The following CCDC136 variants were observed in gnomAD, a reference collection of about 807,000 sequenced individuals.
CCDC136 encodes the protein coiled-coil domain-containing protein 136.
Under a neutral mutation model 141.2 loss-of-function variants are expected in CCDC136, and 100 were observed. The observed-to-expected ratio is 0.71, with a 90% confidence interval of 0.60 to 0.84. The LOEUF (loss-of-function observed/expected upper bound fraction) is 0.84. CCDC136 is among the 40% of genes least tolerant of loss of function. The probability of loss-of-function intolerance (pLI) is 0.00; values close to 1 mark genes in which losing one functional copy is unlikely to be tolerated. For missense variants in CCDC136, 1,206 were observed against 1,379.4 expected (o/e 0.87, Z 1.99); for synonymous variants, 474 against 531.9 (o/e 0.89, Z 1.50).
In CCDC136 at chr7:128,821,823, A is replaced by G. The variant is rs1469305363; in HGVS notation, c.*30A>G. On this transcript the variant is annotated 3_prime_UTR_variant, in exon 18 of 18. Transcript: ENST00000297788. The surrounding 1 kb of genome is among the most constrained non-coding windows in gnomAD (Gnocchi z 5.1). ...GAACATGTTTGGGTTGTGGAAGCCT[A>G]TGGTATTCTTGGCTATTGCAGCTGT... 8.5e-6 allele frequency: 11 copies of G among 1,290,284 alleles called. No homozygotes were observed. In the East Asian group the frequency reaches 2.2e-4, roughly 26 times the overall value. 79.9% of individuals were successfully genotyped at this position (1,290,284 alleles called of 1,614,324 possible).
Position 128,806,400 on chromosome 7 carries a change from C to A in CCDC136, c.1248+5C>A. On this transcript the variant is annotated splice_donor_5th_base_variant and intron_variant, in intron 8 of 17. Coordinates refer to ENST00000297788, the MANE Select transcript of CCDC136 (RefSeq NM_022742.5). ...GTAGAAAACCAGAGTGAGAAGGTAA[C>A]AGCAACCAGAGGTGAGGGGACAACT... The A allele has an allele frequency of 1.3e-6, 2 of 1,597,384 alleles. No homozygotes were observed. Among genetic ancestry groups the A allele is most frequent in the South Asian group, 2.3e-5 (2 of 88,354 alleles).
intron 10 of CCDC136, chr7:128,808,635 C>G: frequency 7.1e-6 from 7 of 985,356 alleles, no homozygotes; most frequent in Non-Finnish European, 8.4e-6. Flanking sequence ...AGTTCCTGTC[C>G]CTGGGGAAAG....
chr7:128,808,825 G>A (rs1805262201), intron 10 of CCDC136: 1 of 985,342 alleles, frequency 1.0e-6, no homozygotes, highest in Non-Finnish European at 1.2e-6. Flanking sequence ...GAAAGGAGAA[G>A]CATGCTGGCA....
chr7:128,801,781 T>G (rs1472744637), intron 4 of CCDC136, among the ~76,000 whole-genome samples: 2 of 152,130 alleles, frequency 1.3e-5, no homozygotes, highest in East Asian at 1.9e-4. Context: ...AAAGAAAAAT[T>G]TAAATAAAAA....
intron 8 of CCDC136, 112 bp from the exon 9 acceptor site, chr7:128,806,576 G>A (rs1804873241): frequency 6.9e-6 from 8 of 1,152,272 alleles, no homozygotes; most frequent in South Asian, 1.6e-5. Context: ...ATTAGGAAGT[G>A]AAGGGCAGGA....
At chr7:128,811,722 C>A in intron 12 of CCDC136, 78 bp from the exon 13 acceptor site, 1 of 1,340,258 alleles carries the variant, frequency 7.5e-7, no homozygotes, top group Non-Finnish European at 1.0e-6. Context: ...TGCTCTCAGA[C>A]ATCTGTACCA....
At position 128,805,345 on chromosome 7, in the gene CCDC136, G is replaced by T. The variant is rs766125809; in HGVS notation, c.783-14G>T. On this transcript the variant is annotated splice_polypyrimidine_tract_variant and intron_variant, in intron 5 of 17. Transcript: ENST00000297788. This position sits in a 1 kb window ranked among gnomAD's most constrained non-coding sequence, Gnocchi z 4.6. ...AACTCCCTTCAAGCATAGCTCTGCGGTTCTGAATTGCAGGACACAGAGAGC... is the reference window on the plus strand; with the variant it reads ...AACTCCCTTCAAGCATAGCTCTGCGTTTCTGAATTGCAGGACACAGAGAGC... 3.7e-6 allele frequency: 6 copies of T among 1,612,724 alleles called. No homozygotes were observed. Among genetic ancestry groups the T allele is most frequent in the Non-Finnish European group, 5.1e-6 (6 of 1,179,276 alleles).
Position 128,809,468 on chromosome 7 carries a change from A to G in CCDC136, c.1624A>G (p.Arg542Gly), listed in dbSNP as rs1181814711. ...CANKCDTLLS[R>G]LTELQEKYKA... ...CCCACAGTGTGACACACTGCTGTCC[A>G]GACTGACAGAATTGCAGGAAAAGTA... Residue 542 changes from arginine to glycine, a missense_variant, in exon 11 of 18, where the codon AGA (arginine) becomes GGA (glycine). Transcript: ENST00000297788. The G allele has an allele frequency of 1.4e-6, 2 of 1,462,804 alleles. No homozygotes were observed. Among genetic ancestry groups the G allele is most frequent in the South Asian group, 2.4e-5 (2 of 82,806 alleles). 90.6% of individuals were successfully genotyped at this position (1,462,804 alleles called of 1,614,324 possible).
Position 128,815,689 on chromosome 7 carries a change from G to A in CCDC136, c.3121G>A (p.Glu1041Lys). ...DGLAKEEEKKEEMEEEKKQVK... is the reference protein window; with the variant it reads ...DGLAKEEEKKKEMEEEKKQVK... ...ACTAGCAAAAGAGGAGGAAAAGAAA[G>A]AGGAGATGGAGGAGGAAAAAAAGCA... The change falls in exon 16 of 18, where the codon GAG (glutamate) becomes AAG (lysine). Residue 1041 changes from glutamate to lysine, a missense_variant. Coordinates refer to ENST00000297788, the MANE Select transcript of CCDC136 (RefSeq NM_022742.5). The A allele has an allele frequency of 6.4e-7, 1 of 1,555,154 alleles. No homozygotes were observed. The highest frequency in any genetic ancestry group is 8.7e-7 in the Non-Finnish European group (1 of 1,149,054).
intron 3 of CCDC136, among the ~76,000 whole-genome samples, chr7:128,797,950 C>G (rs1803298302): frequency 6.6e-6 from 1 of 151,044 alleles, no homozygotes; most frequent in East Asian, 2.0e-4. Flanking sequence ...CGGAGTCTCG[C>G]TGTGTCGCCC....
At chr7:128,806,463 G>A in intron 8 of CCDC136, 68 bp downstream of exon 8, 1 of 1,419,180 alleles carries the variant, frequency 7.0e-7, no homozygotes, top group East Asian at 2.4e-5. Context: ...TTTGGGGAAG[G>A]TGGATAAGAG....
chr7:128,813,983 C>CA (rs1378101105), intron 14 of CCDC136, among the ~76,000 whole-genome samples: 6 of 151,146 alleles, frequency 4.0e-5, no homozygotes, highest in East Asian at 3.9e-4. Flanking sequence ...ACTCTTGTCT[C>CA]AAAAAAAAGA....
At chr7:128,814,446 G>C (rs1441124574) in intron 14 of CCDC136, among the ~76,000 whole-genome samples, 192 bp from the exon 15 acceptor site, 1 of 152,140 alleles carries the variant, frequency 6.6e-6, no homozygotes, top group Non-Finnish European at 1.5e-5. Flanking sequence ...GTTAGGAGAA[G>C]CTATTTGTAA....
chr7:128,810,098 C>A (rs541632369), intron 11 of CCDC136, 41 bp from the exon 12 acceptor site: 3 of 1,286,312 alleles, frequency 2.3e-6, no homozygotes, highest in African/African-American at 1.5e-5. Flanking sequence ...TCCTGTGTGA[C>A]CACCACCATC....
intron 3 of CCDC136, among the ~76,000 whole-genome samples, chr7:128,799,684 A>G (rs1450529315): frequency 3.3e-5 from 5 of 152,090 alleles, no homozygotes; most frequent in Admixed American, 3.3e-4. Context: ...AAAAGTTGAC[A>G]TCTGAGTGGT....
chr7:128,808,289 G>A (rs779462606), intron 10 of CCDC136, among the ~76,000 whole-genome samples: 2 of 152,074 alleles, frequency 1.3e-5, no homozygotes, highest in Non-Finnish European at 2.9e-5. Context: ...CACCTGCCTC[G>A]GCCTCCCAAG....
At chr7:128,808,704 C>T (rs1450745520) in intron 10 of CCDC136, 2 of 985,298 alleles carry the variant, frequency 2.0e-6, no homozygotes, top group Admixed American at 6.2e-5. Flanking sequence ...GTCTCTTTGC[C>T]TTTCTATATC....
At chr7:128,800,997 C>T (rs1803939072) in intron 3 of CCDC136, among the ~76,000 whole-genome samples, 189 bp from the exon 4 acceptor site, 1 of 152,212 alleles carries the variant, frequency 6.6e-6, no homozygotes, top group African/African-American at 2.4e-5. Context: ...CATAGAGTCA[C>T]TCTCTTTTCC....
rs565694188 is a variant in CCDC136 at position 128,810,552 on chromosome 7, G to A, written c.2028+186G>A. On this transcript the variant is annotated intron_variant, in intron 12 of 17. Transcript: ENST00000297788. ...CCATTAAGAGGTGGCTTTTAGATAC[G>A]GCCTGAGGACCTCACCTAGATGCCA... Among the ~76,000 whole-genome samples the A allele has an allele frequency of 8.8e-4, 134 of 152,264 alleles. 1 individual carries two copies. The highest frequency in any genetic ancestry group is 3.1e-3 in the African/African-American group (130 of 41,552).
Sources: allele counts gnomAD v4.1 joint callset (sites outside exome capture counted in the v4.1 genomes callset), GRCh38; gene constraint gnomAD v4.1.1; non-coding constraint Gnocchi (gnomAD v3.1); transcripts MANE v1.5; gene names NCBI Gene and HGNC (gene_info 2026-07-23, HGNC 2026-07-21).